The following PRKG2 variants were observed in gnomAD, a reference collection of about 807,000 sequenced individuals.
The protein encoded by PRKG2 is cGMP-dependent protein kinase 2.
PRKG2 carries 33 observed loss-of-function variants against 97.2 expected under a neutral mutation model. The observed-to-expected ratio is 0.34, with a 90% CI of 0.26 to 0.45. PRKG2 has a LOEUF of 0.45. PRKG2 is among the 20% of genes least tolerant of loss of function. PRKG2 has a pLI of 1.00. For synonymous variants in PRKG2, 330 were observed against 321.8 expected, an observed-to-expected ratio of 1.03 and a Z score of -0.27; for missense variants, 638 against 900.0, an observed-to-expected ratio of 0.71 and a Z score of 3.73.
At chr4:81,103,169 T>TA in intron 17 of PRKG2, among the ~76,000 whole-genome samples, 1 of 152,330 alleles carries the variant, frequency 6.6e-6, no homozygotes, top group South Asian at 2.1e-4. Flanking sequence ...GTCTTTTTTT[T>TA]ATTATTATAC....
At chr4:81,091,273 T>TTTA (rs3042593) in intron 18 of PRKG2, among the ~76,000 whole-genome samples, 4,344 of 151,486 alleles carry the variant, frequency 0.029, 228 homozygotes, top group African/African-American at 0.098. Flanking sequence ...CAGTAGTGTT[T>TTTA]TTATTATTAT....
intron 15 of PRKG2, 88 bp from the exon 16 acceptor site, chr4:81,106,023 T>C: frequency 7.0e-7 from 1 of 1,420,752 alleles, no homozygotes; most frequent in Non-Finnish European, 9.6e-7. Flanking sequence ...CTTCTTTCCT[T>C]CCCTCCCTTC....
chr4:81,162,265 C>T (rs983497490), intron 6 of PRKG2, among the ~76,000 whole-genome samples: 2 of 152,074 alleles, frequency 1.3e-5, no homozygotes, highest in Non-Finnish European at 2.9e-5. Context: ...AAGCTGGTCA[C>T]GAAAGTCTTC....
intron 4 of PRKG2, among the ~76,000 whole-genome samples, chr4:81,171,130 C>T (rs909768296): frequency 2.0e-5 from 3 of 151,998 alleles, no homozygotes; most frequent in African/African-American, 7.2e-5. Context: ...TTTAGCCCCG[C>T]ATACATCAGC....
intron 2 of PRKG2, among the ~76,000 whole-genome samples, chr4:81,194,699 A>G (rs1182406909): frequency 1.3e-5 from 2 of 152,232 alleles, no homozygotes; most frequent in African/African-American, 4.8e-5. Flanking sequence ...AAAACTTACA[A>G]AGAAGTTTAT....
chr4:81,171,558 T>C lies in PRKG2; in HGVS notation c.742+133A>G, dbSNP rs906100703. 9 of 602,378 alleles carry C rather than the reference T, an allele frequency of 1.5e-5. No homozygotes were observed. In the African/African-American group the frequency reaches 1.5e-4, roughly 10 times the overall value. 37.3% of individuals were successfully genotyped at this position (602,378 alleles called of 1,614,324 possible). ...TTCAGTATAAATCCCTTAATAGGCATAGCATTTCTATTATAAGAACATATA... is the reference window on the plus strand; with the variant it reads ...TTCAGTATAAATCCCTTAATAGGCACAGCATTTCTATTATAAGAACATATA... On this transcript the variant is annotated intron_variant, in intron 4 of 18. Transcript: ENST00000264399.
chr4:81,153,684 C>A lies in PRKG2; in HGVS notation c.950G>T (p.Gly317Val), dbSNP rs1203601013. The A allele has an allele frequency of 1.2e-6, 2 of 1,605,438 alleles. No homozygotes were observed. The highest frequency in any genetic ancestry group is 1.7e-6 in the Non-Finnish European group (2 of 1,172,274). The change falls in exon 7 of 19, where the codon GGC (glycine) becomes GTC (valine). Residue 317 changes from glycine (G) to valine (V), a missense_variant. Coordinates refer to ENST00000264399, the MANE Select transcript of PRKG2 (RefSeq NM_006259.3). ...AATGAAAAAGGTACTTCCTTCCTCGCCCTCTCTAATGATGTAATCTCCTTT... is the reference window on the plus strand; with the variant it reads ...AATGAAAAAGGTACTTCCTTCCTCGACCTCTCTAATGATGTAATCTCCTTT... ...YDKGDYIIRE[G>V]EEGSTFFILA...
intron 17 of PRKG2, among the ~76,000 whole-genome samples, chr4:81,103,408 C>T (rs1238574077): frequency 6.6e-6 from 1 of 151,422 alleles, no homozygotes; most frequent in African/African-American, 2.4e-5. Flanking sequence ...TGTCAGATTA[C>T]TGCAAAAGGA....
intron 8 of PRKG2, among the ~76,000 whole-genome samples, chr4:81,150,343 C>T (rs961618090): frequency 1.3e-5 from 2 of 152,126 alleles, no homozygotes; most frequent in Non-Finnish European, 2.9e-5. Context: ...TGTGTAAGTG[C>T]CATAGATTTA....
At chr4:81,114,065 A>T (rs1003832178) in intron 14 of PRKG2, among the ~76,000 whole-genome samples, 1 of 152,126 alleles carries the variant, frequency 6.6e-6, no homozygotes, top group African/African-American at 2.4e-5. Context: ...GAAGACTTGC[A>T]TACCCCAGGA....
intron 15 of PRKG2, among the ~76,000 whole-genome samples, chr4:81,106,591 C>G (rs548979913): frequency 9.9e-5 from 15 of 152,272 alleles, no homozygotes; most frequent in African/African-American, 2.9e-4. Context: ...AAGTCAGGGG[C>G]AAGGAGCCCC....
chr4:81,174,349 G>A (rs1750737716), intron 3 of PRKG2, among the ~76,000 whole-genome samples: 1 of 151,996 alleles, frequency 6.6e-6, no homozygotes, highest in African/African-American at 2.4e-5. Flanking sequence ...AACTTCAGCA[G>A]CAGTATTTGA....
intron 17 of PRKG2, among the ~76,000 whole-genome samples, chr4:81,099,411 C>A (rs78739959): frequency 6.6e-6 from 1 of 152,020 alleles, no homozygotes; most frequent in Non-Finnish European, 1.5e-5. Context: ...GTTCAATATA[C>A]GCAAATCAAT....
intron 17 of PRKG2, among the ~76,000 whole-genome samples, chr4:81,093,732 C>T (rs1741837674): frequency 6.7e-6 from 1 of 150,250 alleles, no homozygotes; most frequent in Non-Finnish European, 1.5e-5. Flanking sequence ...ATGCATCACT[C>T]ATCTAAAAGG....
At chr4:81,100,426 T>C (rs1204089171) in intron 17 of PRKG2, among the ~76,000 whole-genome samples, 1 of 152,190 alleles carries the variant, frequency 6.6e-6, no homozygotes, top group Non-Finnish European at 1.5e-5. Flanking sequence ...TACAACCATC[T>C]GATCTTTGAC....
At chr4:81,166,642 A>AT (rs1408191539) in intron 6 of PRKG2, among the ~76,000 whole-genome samples, 1 of 152,126 alleles carries the variant, frequency 6.6e-6, no homozygotes, top group Non-Finnish European at 1.5e-5. Flanking sequence ...TTCCCCCTAG[A>AT]TGTTAAAATA....
upstream of PRKG2, among the ~76,000 whole-genome samples, chr4:81,217,163 C>T (rs1187872712): frequency 6.6e-6 from 1 of 151,396 alleles, no homozygotes; most frequent in African/African-American, 2.4e-5. Flanking sequence ...AAAGTCCTTA[C>T]ATTTCATTGA....
chr4:81,192,292 C>T (rs1752605821), intron 2 of PRKG2: 1 of 152,100 alleles, frequency 6.6e-6, no homozygotes, highest in African/African-American at 2.4e-5. Context: ...TAGTAGCTCC[C>T]TTTAAAAGGG....
chr4:81,120,304 G>A (rs1436801584), intron 14 of PRKG2, among the ~76,000 whole-genome samples: 6 of 152,138 alleles, frequency 3.9e-5, no homozygotes, highest in Non-Finnish European at 7.4e-5. Context: ...GAGGCACCCC[G>A]GGAGTCTCCC....
Sources: allele counts gnomAD v4.1 joint callset (sites outside exome capture counted in the v4.1 genomes callset), GRCh38; gene constraint gnomAD v4.1.1; transcripts MANE v1.5; gene names NCBI Gene and HGNC (gene_info 2026-07-23, HGNC 2026-07-21).